Variants in UGT1A6 observed in about 807,000 individuals in gnomAD.
UGT1A6 encodes UDP-glucuronosyltransferase 1A6.
Under a neutral mutation model 44.4 loss-of-function variants are expected in UGT1A6, and 32 were observed. The ratio of observed to expected loss-of-function variants is 0.72; its 90% CI spans 0.54 to 0.97. The LOEUF (loss-of-function observed/expected upper bound fraction) is 0.97, where lower values mean the gene tolerates loss of function less well. Among genes scored for constraint, UGT1A6 ranks in the 50% least tolerant of loss-of-function variants. UGT1A6 has a pLI of 0.00. For synonymous variants in UGT1A6, 238 were observed against 248.5 expected (o/e 0.96, Z 0.40); for missense variants, 685 against 661.9 (o/e 1.03, Z -0.38).
chr2:233,746,309 C>A (rs1693355389), intron 1 of UGT1A6, among the ~76,000 whole-genome samples: 1 of 151,738 alleles, frequency 6.6e-6, no homozygotes, highest in Admixed American at 6.5e-5. Context: ...CCTTGGAGGG[C>A]CCTGTAGATG....
intron 1 of UGT1A6, among the ~76,000 whole-genome samples, chr2:233,696,325 T>G (rs2075338334): frequency 6.6e-6 from 1 of 152,218 alleles, no homozygotes; most frequent in African/African-American, 2.4e-5. Context: ...TTCATCCTCA[T>G]TTCCTTATAC....
intron 1 of UGT1A6, among the ~76,000 whole-genome samples, chr2:233,751,222 C>A (rs1694670649): frequency 6.6e-6 from 1 of 151,992 alleles, no homozygotes; most frequent in African/African-American, 2.4e-5. Context: ...GATTTAATGA[C>A]TGCCCTGCCT....
At chr2:233,724,768 A>G (rs1231728471) in intron 1 of UGT1A6, among the ~76,000 whole-genome samples, 1 of 142,484 alleles carries the variant, frequency 7.0e-6, no homozygotes, top group Non-Finnish European at 1.5e-5. Context: ...GCGGCCAGGC[A>G]GAGACACTCC....
At chr2:233,734,694 A>G (rs1291043334) in intron 1 of UGT1A6, among the ~76,000 whole-genome samples, 5 of 149,240 alleles carry the variant, frequency 3.4e-5, no homozygotes, top group Non-Finnish European at 7.3e-5. Flanking sequence ...AATGTGTCCC[A>G]GAGATTCTGG....
At position 233,772,831 on chromosome 2, in the gene UGT1A6, T is replaced by TCACACAAGAAAGCCAGCAAGGAAG; in HGVS notation, c.*273_*274insACACAAGAAAGCCAGCAAGGAAGC. 1 of 893,952 alleles carries TCACACAAGAAAGCCAGCAAGGAAG rather than the reference T, an allele frequency of 1.1e-6. No homozygotes were observed. The highest frequency in any genetic ancestry group is 1.6e-6 in the Non-Finnish European group (1 of 642,656). 55.4% of individuals were successfully genotyped at this position (893,952 alleles called of 1,614,324 possible). A position where few individuals can be genotyped will look rare whatever the true frequency, so the allele number is the denominator to read the frequency against. On this transcript the variant is annotated 3_prime_UTR_variant, in exon 5 of 5. Coordinates refer to ENST00000305139, the MANE Select transcript of UGT1A6 (RefSeq NM_001072.4). ...AGAGGACGTGCAGACAGGCTGGCATTCTAGATTACTTTTCTTACTCTGAAA... is the reference window on the plus strand; with the variant it reads ...AGAGGACGTGCAGACAGGCTGGCATTCACACAAGAAAGCCAGCAAGGAAGCTAGATTACTTTTCTTACTCTGAAA...
At chr2:233,703,127 G>A (rs1038080992) in intron 1 of UGT1A6, among the ~76,000 whole-genome samples, 3 of 152,134 alleles carry the variant, frequency 2.0e-5, no homozygotes, top group Non-Finnish European at 4.4e-5. Context: ...CTTTTTACCT[G>A]TTATGGCTTT....
In UGT1A6 at chr2:233,693,441, C is replaced by A; in HGVS notation, c.437C>A (p.Ala146Asp). The A allele has an allele frequency of 6.2e-7, 1 of 1,614,144 alleles. No individual in the cohort carries two copies. The highest frequency in any genetic ancestry group is 8.5e-7 in the Non-Finnish European group (1 of 1,180,028). The change falls in exon 1 of 5, where the codon GCT (alanine) becomes GAT (aspartate). Residue 146 changes from alanine (A) to aspartate (D), a missense_variant. Coordinates refer to ENST00000305139, the MANE Select transcript of UGT1A6 (RefSeq NM_001072.4). ...TTCTTTAAGGAGAGCAAGTTTGATG[C>A]TCTTTTCACAGACCCAGCCTTACCC... is the stretch of plus-strand genomic sequence containing the variant. ...LNFFKESKFD[A>D]LFTDPALPCG...
In UGT1A6 at chr2:233,755,690, C is replaced by T. The variant is rs58069490; in HGVS notation, c.862-11344C>T. 7.1e-3 allele frequency: 1,102 copies of T among 155,734 alleles called. 14 individuals carry two copies. Among genetic ancestry groups the T allele is most frequent in the African/African-American group, 0.021 (857 of 41,546 alleles). The allele number at this position is 155,734 out of a possible 1,614,324, so 9.6% of individuals were successfully genotyped here. The stretch of plus-strand genomic sequence containing the variant: ...GTGGTGGGAGTGAGTTTAGTCTGAC[C>T]GGGGCTGAAGACATCCTGTTGTTTA... On this transcript the variant is annotated intron_variant, in intron 1 of 4. Transcript: ENST00000305139.
intron 1 of UGT1A6, among the ~76,000 whole-genome samples, chr2:233,701,570 C>T (rs1230204481): frequency 1.3e-5 from 2 of 152,144 alleles, no homozygotes; most frequent in African/African-American, 2.4e-5. Flanking sequence ...CACACCTACT[C>T]CAAAATTGAC....
intron 1 of UGT1A6, among the ~76,000 whole-genome samples, chr2:233,748,968 G>A (rs1280348078): frequency 6.6e-6 from 1 of 151,594 alleles, no homozygotes; most frequent in Admixed American, 6.6e-5. Flanking sequence ...TTTCTATAGT[G>A]GGATCTACTT....
intron 1 of UGT1A6, among the ~76,000 whole-genome samples, chr2:233,711,822 A>G (rs2076198725): frequency 6.6e-6 from 1 of 152,234 alleles, no homozygotes; most frequent in Admixed American, 6.5e-5. Context: ...TGGGGCGACC[A>G]GGACAAGGAG....
At chr2:233,753,951 A>G (rs1466645267) in intron 1 of UGT1A6, among the ~76,000 whole-genome samples, 1 of 152,178 alleles carries the variant, frequency 6.6e-6, no homozygotes, top group Non-Finnish European at 1.5e-5. Flanking sequence ...ATGACCTCCA[A>G]AATATTAAGA....
Position 233,766,572 on chromosome 2 carries a change from G to A in UGT1A6, c.862-462G>A, listed in dbSNP as rs1699186765. On this transcript the variant is annotated intron_variant, in intron 1 of 4. Coordinates refer to ENST00000305139, the MANE Select transcript of UGT1A6 (RefSeq NM_001072.4). ...TCCTCACCTAGGTCCATGGGCACAG[G>A]TCTGGGGGTGGAGCCCTCGCCAGGG... Among the ~76,000 whole-genome samples, 3 of 152,322 alleles carry A rather than the reference G, an allele frequency of 2.0e-5. No individual in the cohort carries two copies. In the South Asian group the frequency reaches 6.2e-4, roughly 32 times the overall value.
At chr2:233,697,514 T>A (rs1185540245) in intron 1 of UGT1A6, among the ~76,000 whole-genome samples, 5 of 151,616 alleles carry the variant, frequency 3.3e-5, no homozygotes, top group African/African-American at 1.2e-4. Flanking sequence ...TTTTTTTTTT[T>A]TAAAAAACTT....
intron 1 of UGT1A6, chr2:233,719,006 C>G (rs899895461): frequency 1.3e-5 from 21 of 1,614,078 alleles, no homozygotes; most frequent in Non-Finnish European, 1.7e-5. Flanking sequence ...TGGTCCTCAC[C>G]CCAGAGGTGA....
Position 233,693,701 on chromosome 2 carries a change from G to C in UGT1A6, c.697G>C (p.Ala233Pro). 1.2e-6 allele frequency: 2 copies of C among 1,614,192 alleles called. No homozygotes were observed. The highest frequency in any genetic ancestry group is 1.7e-6 in the Non-Finnish European group (2 of 1,180,044). ...YCLFSKYEEL[A>P]SAVLKRDVDI... Reference sequence around the variant, plus strand: ...TCTGTTTTCAAAGTATGAAGAACTCGCATCAGCTGTCCTCAAGAGAGATGT... The same window carrying C: ...TCTGTTTTCAAAGTATGAAGAACTCCCATCAGCTGTCCTCAAGAGAGATGT... Residue 233 changes from alanine to proline, a missense_variant, in exon 1 of 5, where the codon GCA (alanine) becomes CCA (proline). Coordinates refer to ENST00000305139, the MANE Select transcript of UGT1A6 (RefSeq NM_001072.4).
At chr2:233,693,891 T>G (rs1489359019) in intron 1 of UGT1A6, 26 bp downstream of exon 1, 2 of 1,613,928 alleles carry the variant, frequency 1.2e-6, no homozygotes, top group African/African-American at 2.7e-5. Flanking sequence ...TCTTTTGGAC[T>G]GCCTTGTTTC....
intron 1 of UGT1A6, chr2:233,755,063 G>A (rs776771090): frequency 2.2e-6 from 3 of 1,334,780 alleles, no homozygotes; most frequent in South Asian, 1.1e-5. Flanking sequence ...CCCTCGCCTC[G>A]CCATAGCGGT....
chr2:233,736,227 C>T (rs757902126), intron 1 of UGT1A6, among the ~76,000 whole-genome samples: 1 of 152,164 alleles, frequency 6.6e-6, no homozygotes, highest in Non-Finnish European at 1.5e-5. Flanking sequence ...TCTTTTTTCT[C>T]TAACCTTGTC....
Sources: gnomAD v4.1 joint callset for allele counts (sites outside exome capture counted in the v4.1 genomes callset) on GRCh38, gnomAD v4.1.1 for gene constraint, MANE v1.5 for transcripts, NCBI Gene and HGNC (gene_info 2026-07-23, HGNC 2026-07-21) for gene names.